Variants in NPTN observed in about 807,000 individuals in gnomAD.
NPTN encodes neuroplastin.
A neutral mutation model predicts 42.7 loss-of-function variants in NPTN; 5 were observed. That is an observed-to-expected ratio of 0.12 (90% confidence interval 0.06 to 0.25). NPTN has a LOEUF of 0.25. Ranked by LOEUF, NPTN falls within the 10% of genes least tolerant of loss-of-function variation. The probability of loss-of-function intolerance (pLI) is 1.00; values close to 1 mark genes in which losing one functional copy is unlikely to be tolerated. For synonymous variants in NPTN, 180 were observed against 201.9 expected (o/e 0.89, Z 0.92); for missense variants, 307 against 525.4 (o/e 0.58, Z 4.06).
At chr15:73,563,004 T>G (rs1191909690) in intron 7 of NPTN, among the ~76,000 whole-genome samples, 2 of 152,100 alleles carry the variant, frequency 1.3e-5, no homozygotes, top group Non-Finnish European at 2.9e-5. Flanking sequence ...AAAAAAAAGT[T>G]TTTTGCATGG....
At chr15:73,580,412 T>TATATATATA (rs1895935428) in intron 4 of NPTN, among the ~76,000 whole-genome samples, 1 of 98,954 alleles carries the variant, frequency 1.0e-5, no homozygotes, top group African/African-American at 4.4e-5. Flanking sequence ...ATATATATAA[T>TATATATATA]ATATATATAA....
chr15:73,607,205 T>G (rs1424013540), intron 1 of NPTN, among the ~76,000 whole-genome samples: 1 of 152,228 alleles, frequency 6.6e-6, no homozygotes, highest in Non-Finnish European at 1.5e-5. Flanking sequence ...TTTCTTACCA[T>G]GCTTTAACAC....
intron 1 of NPTN, chr15:73,599,440 C>T (rs1027343455): frequency 6.6e-6 from 1 of 152,096 alleles, no homozygotes; most frequent in African/African-American, 2.4e-5. Flanking sequence ...ATGGTGAAAC[C>T]CCGTCTCTAC....
chr15:73,613,697 T>C (rs1897709224), intron 1 of NPTN, among the ~76,000 whole-genome samples: 1 of 152,158 alleles, frequency 6.6e-6, no homozygotes, highest in Non-Finnish European at 1.5e-5. Context: ...ACATATCTTT[T>C]TTTTTTGAGA....
chr15:73,578,140 G>A (rs1403518301), intron 4 of NPTN, among the ~76,000 whole-genome samples: 2 of 152,124 alleles, frequency 1.3e-5, no homozygotes, highest in Non-Finnish European at 2.9e-5. Context: ...AGAAATCAGA[G>A]AGACTGGGGA....
At chr15:73,605,650 C>G (rs1488609060) in intron 1 of NPTN, among the ~76,000 whole-genome samples, 1 of 148,388 alleles carries the variant, frequency 6.7e-6, no homozygotes, top group African/African-American at 2.6e-5. Context: ...ATGAGGTGAA[C>G]CCAGGAGGGG....
intron 1 of NPTN, among the ~76,000 whole-genome samples, chr15:73,619,693 T>C (rs146506489): frequency 2.5e-4 from 38 of 152,322 alleles, no homozygotes; most frequent in African/African-American, 5.8e-4. Context: ...AAGTTGTGTG[T>C]TAACCAAAAA....
At chr15:73,587,972 T>C (rs1199198730) in intron 3 of NPTN, among the ~76,000 whole-genome samples, 1 of 152,218 alleles carries the variant, frequency 6.6e-6, no homozygotes, top group Non-Finnish European at 1.5e-5. Flanking sequence ...CTGGGCACAG[T>C]GGCTCACCCC....
chr15:73,614,403 G>A (rs1489915070), intron 1 of NPTN, among the ~76,000 whole-genome samples: 1 of 152,090 alleles, frequency 6.6e-6, no homozygotes, highest in East Asian at 1.9e-4. Context: ...CAGTTCCCTT[G>A]TGTATATAAC....
In NPTN at chr15:73,570,049, G is replaced by C. The variant is rs560230143; in HGVS notation, c.1114+101C>G. The stretch of plus-strand genomic sequence containing the variant: ...ATAAGAATTTTCCTTCTTTCCTTTA[G>C]GGATTGAATCCCAACATCCCTATAG... On this transcript the variant is annotated intron_variant, in intron 6 of 8. Coordinates refer to ENST00000345330, the MANE Select transcript of NPTN (RefSeq NM_012428.4). This position sits in a 1 kb window ranked among gnomAD's most constrained non-coding sequence, Gnocchi z 4.0. 1 of 1,162,672 alleles carries C rather than the reference G, an allele frequency of 8.6e-7. No homozygotes were observed. The highest frequency in any genetic ancestry group is 2.6e-5 in the South Asian group (1 of 37,836). 72.0% of individuals were successfully genotyped at this position (1,162,672 alleles called of 1,614,324 possible). A position where few individuals can be genotyped will look rare whatever the true frequency, so the allele number is the denominator to read the frequency against.
At chr15:73,577,566 CT>C (rs1566963878) in intron 4 of NPTN, among the ~76,000 whole-genome samples, 2 of 152,308 alleles carry the variant, frequency 1.3e-5, no homozygotes, top group East Asian at 3.9e-4. Context: ...CCAAAACAGA[CT>C]CCCTTCTTGC....
At chr15:73,573,916 C>T (rs1317103112) in intron 4 of NPTN, 121 bp from the exon 5 acceptor site, 30 of 1,278,938 alleles carry the variant, frequency 2.3e-5, no homozygotes, top group Non-Finnish European at 2.8e-5. Context: ...TACTGTCATA[C>T]TCAGCTTTGA....
At position 73,587,982 on chromosome 15, in the gene NPTN, C is replaced by T. The variant is rs147224607; in HGVS notation, c.612-364G>A. 4.3e-3 allele frequency among the ~76,000 whole-genome samples: 654 copies of T among 152,306 alleles called. 7 individuals are homozygous for T. The highest frequency in any genetic ancestry group is 0.015 in the African/African-American group (621 of 41,564). ...CACGGCTGGGCACAGTGGCTCACCC[C>T]TGTAATCCTAGCACTTTAGGAGGCT... is the stretch of plus-strand genomic sequence containing the variant. On this transcript the variant is annotated intron_variant, in intron 3 of 8. Coordinates refer to ENST00000345330, the MANE Select transcript of NPTN (RefSeq NM_012428.4).
rs1351594186 is a variant in NPTN at position 73,569,400 on chromosome 15, T to C, written c.1114+750A>G. ...CCAGTGCTCAGTGGTGTGCTGTGGT[T>C]CTGCTGCTACCATCTCCTCCCTTCT... On this transcript the variant is annotated intron_variant, in intron 6 of 8. Coordinates refer to ENST00000345330, the MANE Select transcript of NPTN (RefSeq NM_012428.4). The surrounding 1 kb of genome is among the most constrained non-coding windows in gnomAD (Gnocchi z 4.1). 2 of 985,540 alleles carry C rather than the reference T, an allele frequency of 2.0e-6. No homozygotes were observed. Among genetic ancestry groups the C allele is most frequent in the Non-Finnish European group, 2.4e-6 (2 of 830,110 alleles). The allele number at this position is 985,540 out of a possible 1,614,324, so 61.0% of individuals were successfully genotyped here.
chr15:73,605,763 A>G (rs996219327), intron 1 of NPTN, among the ~76,000 whole-genome samples: 9 of 151,770 alleles, frequency 5.9e-5, no homozygotes, highest in African/African-American at 1.5e-4. Context: ...TGTTAAAAGC[A>G]AAGAGAAGAA....
At chr15:73,574,216 T>C (rs1450772611) in intron 4 of NPTN, among the ~76,000 whole-genome samples, 1 of 152,202 alleles carries the variant, frequency 6.6e-6, no homozygotes, top group Non-Finnish European at 1.5e-5. Context: ...CACATTCCCT[T>C]AAGGAAATGA....
chr15:73,574,549 A>G (rs1895583929), intron 4 of NPTN, among the ~76,000 whole-genome samples: 1 of 152,184 alleles, frequency 6.6e-6, no homozygotes, highest in African/African-American at 2.4e-5. Flanking sequence ...AGTAACTAGA[A>G]CTACAGGCAC....
intron 1 of NPTN, among the ~76,000 whole-genome samples, chr15:73,624,923 A>G (rs551682624): frequency 6.6e-6 from 1 of 152,300 alleles, no homozygotes; most frequent in African/African-American, 2.4e-5. Flanking sequence ...CCCTTTTTCT[A>G]AAGTTCTAAA....
intron 1 of NPTN, among the ~76,000 whole-genome samples, chr15:73,623,840 GCT>G (rs1898259067): frequency 6.6e-6 from 1 of 151,960 alleles, no homozygotes; most frequent in Non-Finnish European, 1.5e-5. Context: ...CTCTCAACCA[GCT>G]CTTTGTCCTA....
Sources: gnomAD v4.1 joint callset for allele counts (sites outside exome capture counted in the v4.1 genomes callset) on GRCh38, gnomAD v4.1.1 for gene constraint, Gnocchi (gnomAD v3.1) non-coding constraint, MANE v1.5 for transcripts, NCBI Gene and HGNC (gene_info 2026-07-23, HGNC 2026-07-21) for gene names.